KCND2: variants seen among roughly 807,000 people sequenced by gnomAD.
KCND2 encodes A-type voltage-gated potassium channel KCND2.
KCND2 carries 16 observed loss-of-function variants against 54.4 expected under a neutral mutation model. That is an observed-to-expected ratio of 0.29 (90% CI 0.20 to 0.45). KCND2 has a LOEUF of 0.45. Among genes scored for constraint, KCND2 ranks in the 20% least tolerant of loss-of-function variants. The pLI is 1.00. For missense variants in KCND2, 486 were observed against 824.2 expected, an observed-to-expected ratio of 0.59 and a Z score of 5.02; for synonymous variants, 317 against 310.7, an observed-to-expected ratio of 1.02 and a Z score of -0.21.
intron 1 of KCND2, among the ~76,000 whole-genome samples, chr7:120,462,508 C>A (rs2116242054): frequency 1.3e-5 from 2 of 152,024 alleles, no homozygotes; most frequent in South Asian, 4.1e-4. Flanking sequence ...TGATGGGTTT[C>A]TGGCCAAGAG....
chr7:120,344,342 C>G (rs768430732), intron 1 of KCND2, among the ~76,000 whole-genome samples: 17 of 152,146 alleles, frequency 1.1e-4, no homozygotes, highest in Non-Finnish European at 1.0e-4. Flanking sequence ...AATGAGAGCA[C>G]AGCTGCTTAG....
intron 1 of KCND2, among the ~76,000 whole-genome samples, chr7:120,469,900 T>C (rs1802429347): frequency 6.6e-6 from 1 of 152,170 alleles, no homozygotes; most frequent in South Asian, 2.1e-4. Flanking sequence ...TGAAATTTTA[T>C]CTCCTATTAG....
chr7:120,640,870 T>G (rs1793362830), intron 1 of KCND2, among the ~76,000 whole-genome samples: 1 of 152,190 alleles, frequency 6.6e-6, no homozygotes, highest in Non-Finnish European at 1.5e-5. Context: ...TTAAAGTCAG[T>G]GGGAGCTAGG....
chr7:120,647,486 C>A (rs952074904), intron 1 of KCND2, among the ~76,000 whole-genome samples: 10 of 152,142 alleles, frequency 6.6e-5, no homozygotes, highest in African/African-American at 2.2e-4. Context: ...TCTCACCTTC[C>A]CCCTTGCTTT....
At chr7:120,595,800 C>T (rs1792737682) in intron 1 of KCND2, among the ~76,000 whole-genome samples, 1 of 151,448 alleles carries the variant, frequency 6.6e-6, no homozygotes, top group Non-Finnish European at 1.5e-5. Flanking sequence ...ACTGTGAGTT[C>T]CTCAAAAGGT....
intron 1 of KCND2, among the ~76,000 whole-genome samples, chr7:120,304,358 A>G (rs1035589294): frequency 2.6e-5 from 4 of 152,196 alleles, no homozygotes; most frequent in Non-Finnish European, 5.9e-5. Flanking sequence ...GGTTTCTGAG[A>G]CAATTTTCTT....
chr7:120,511,049 C>T (rs1803107265), intron 1 of KCND2, among the ~76,000 whole-genome samples: 1 of 151,772 alleles, frequency 6.6e-6, no homozygotes, highest in Non-Finnish European at 1.5e-5. Context: ...CACACACACA[C>T]ACACTTCTCA....
intron 1 of KCND2, among the ~76,000 whole-genome samples, chr7:120,588,298 A>C (rs1792625755): frequency 6.6e-6 from 1 of 152,158 alleles, no homozygotes; most frequent in South Asian, 2.1e-4. Flanking sequence ...CCTAAATTCC[A>C]GAATTAAAAT....
rs994500743 is a variant in KCND2 at position 120,447,238 on chromosome 7, A to G, written c.1115+171491A>G. Among the ~76,000 whole-genome samples the G allele has an allele frequency of 4.6e-5, 7 of 151,962 alleles. No homozygotes were observed. The South Asian group carries it at 1.5e-3, about 32-fold the overall frequency. On this transcript the variant is annotated intron_variant, in intron 1 of 5. Coordinates refer to ENST00000331113, the MANE Select transcript of KCND2 (RefSeq NM_012281.3). ...CCACCCACTTCCTTTGTGAGATCCC[A>G]TCTGTGTGACATTCACGTTCTTAGT...
chr7:120,406,599 A>G (rs1801364003), intron 1 of KCND2, among the ~76,000 whole-genome samples: 1 of 152,056 alleles, frequency 6.6e-6, no homozygotes, highest in South Asian at 2.1e-4. Context: ...ATTAATAGCA[A>G]AATTAATGGT....
intron 4 of KCND2, among the ~76,000 whole-genome samples, chr7:120,745,258 A>G (rs1323553996): frequency 6.6e-6 from 1 of 152,196 alleles, no homozygotes; most frequent in Non-Finnish European, 1.5e-5. Context: ...ATATAAAGAA[A>G]TGGATAGTGT....
Position 120,732,960 on chromosome 7 carries a change from G to T in KCND2, c.1173G>T (p.Ser391=), listed in dbSNP as rs367909110. The T allele has an allele frequency of 1.2e-6, 2 of 1,613,540 alleles. No individual in the cohort carries two copies. The highest frequency in any genetic ancestry group is 2.2e-5 in the East Asian group (1 of 44,848). ...GGAAGATTTTTGGTTCTATCTGTTC[G>T]CTGAGTGGGGTCTTGGTCATTGCTC... ...IAGKIFGSIC[S]LSGVLVIALP... Residue 391 remains serine, a synonymous_variant, in exon 2 of 6, where the codon TCG becomes TCT. Coordinates refer to ENST00000331113, the MANE Select transcript of KCND2 (RefSeq NM_012281.3).
chr7:120,737,057 CACACACACACACACACACAAACA>C (rs1441002959), intron 2 of KCND2, among the ~76,000 whole-genome samples: 5 of 144,114 alleles, frequency 3.5e-5, no homozygotes, highest in African/African-American at 1.3e-4. Context: ...CACACACACA[CACACACACACACACACACAAACA>C]AAAAAAAAAA....
chr7:120,438,929 A>T (rs1236610702), intron 1 of KCND2, among the ~76,000 whole-genome samples: 1 of 152,138 alleles, frequency 6.6e-6, no homozygotes, highest in Non-Finnish European at 1.5e-5. Context: ...TAATTCACAA[A>T]TATTTATTAA....
At chr7:120,439,358 A>G (rs999367893) in intron 1 of KCND2, among the ~76,000 whole-genome samples, 5 of 152,016 alleles carry the variant, frequency 3.3e-5, no homozygotes, top group Non-Finnish European at 5.9e-5. Flanking sequence ...ACACAGAAGC[A>G]CTTTTTCTTT....
chr7:120,534,107 C>T (rs1258367772), intron 1 of KCND2, among the ~76,000 whole-genome samples: 2 of 151,720 alleles, frequency 1.3e-5, no homozygotes, highest in Non-Finnish European at 2.9e-5. Context: ...GATACTCCCA[C>T]CTCAAAGAGG....
At chr7:120,509,535 C>T (rs544947562) in intron 1 of KCND2, among the ~76,000 whole-genome samples, 1 of 152,052 alleles carries the variant, frequency 6.6e-6, no homozygotes, top group Non-Finnish European at 1.5e-5. Context: ...AATTTACTAG[C>T]TTCACAGAGC....
intron 1 of KCND2, among the ~76,000 whole-genome samples, chr7:120,565,345 T>C (rs1028972732): frequency 6.6e-6 from 1 of 152,216 alleles, no homozygotes; most frequent in African/African-American, 2.4e-5. Context: ...GTGTATCTTA[T>C]GTAATGTAGT....
chr7:120,660,716 G>A (rs558477651), intron 1 of KCND2, among the ~76,000 whole-genome samples: 1 of 152,272 alleles, frequency 6.6e-6, no homozygotes, highest in South Asian at 2.1e-4. Context: ...TTGTATTATA[G>A]CATGCTGTAT....
Sources: allele counts gnomAD v4.1 joint callset (sites outside exome capture counted in the v4.1 genomes callset), GRCh38; gene constraint gnomAD v4.1.1; transcripts MANE v1.5; gene names NCBI Gene and HGNC (gene_info 2026-07-23, HGNC 2026-07-21).